The following EPC2 variants were observed in gnomAD, a reference collection of about 807,000 sequenced individuals.
The protein encoded by EPC2 is enhancer of polycomb 2, also known as enhancer of polycomb homolog 2.
EPC2 carries 14 observed loss-of-function variants against 92.1 expected under a neutral mutation model. That is an observed-to-expected ratio of 0.15 (90% CI 0.10 to 0.24). The LOEUF (loss-of-function observed/expected upper bound fraction) is 0.24, where lower values mean the gene tolerates loss of function less well. Ranked by LOEUF, EPC2 falls within the 10% of genes least tolerant of loss-of-function variation. The pLI is 1.00. For missense variants in EPC2, 755 were observed against 971.5 expected, an observed-to-expected ratio of 0.78 and a Z score of 2.96; for synonymous variants, 340 against 334.7, an observed-to-expected ratio of 1.02 and a Z score of -0.17.
At chr2:148,721,943 GT>G (rs1397217471) in intron 2 of EPC2, among the ~76,000 whole-genome samples, 6 of 45,722 alleles carry the variant, frequency 1.3e-4, no homozygotes, top group Admixed American at 1.1e-3. Flanking sequence ...TTATTCATCT[GT>G]TTTTGCATGT....
chr2:148,659,353 T>C (rs765130132), intron 1 of EPC2, among the ~76,000 whole-genome samples: 2 of 152,122 alleles, frequency 1.3e-5, no homozygotes, highest in Non-Finnish European at 2.9e-5. Flanking sequence ...CACATTTTAG[T>C]TGATAATGCA....
chr2:148,767,226 T>G (rs1241381065), intron 7 of EPC2, among the ~76,000 whole-genome samples: 1 of 151,148 alleles, frequency 6.6e-6, no homozygotes, highest in East Asian at 1.9e-4. Context: ...TGAATGATAC[T>G]GTAGGGTGCT....
chr2:148,754,160 A>T, intron 4 of EPC2, 27 bp downstream of exon 4: 4 of 1,529,690 alleles, frequency 2.6e-6, no homozygotes, highest in South Asian at 1.2e-5. Flanking sequence ...GTTTCATTGA[A>T]GGTAGCTTAA....
intron 1 of EPC2, among the ~76,000 whole-genome samples, chr2:148,663,342 C>T (rs1680986063): frequency 1.3e-5 from 2 of 150,772 alleles, no homozygotes; most frequent in African/African-American, 4.9e-5. Flanking sequence ...CCTCAGCCTC[C>T]CGAGTAGCTG....
intron 2 of EPC2, among the ~76,000 whole-genome samples, chr2:148,701,229 G>T (rs1028923764): frequency 6.6e-6 from 1 of 152,042 alleles, no homozygotes; most frequent in Admixed American, 6.6e-5. Context: ...GTTTCATTTC[G>T]TCCTAATCTG....
chr2:148,657,401 A>G (rs548856634), intron 1 of EPC2, among the ~76,000 whole-genome samples: 34 of 152,198 alleles, frequency 2.2e-4, no homozygotes, highest in African/African-American at 7.7e-4. Context: ...AAAATTTCCA[A>G]AGATATAGGT....
intron 5 of EPC2, 137 bp downstream of exon 5, chr2:148,762,067 A>G (rs983039153): frequency 1.7e-5 from 13 of 744,382 alleles, no homozygotes; most frequent in East Asian, 3.6e-5. Context: ...TATATTTTTT[A>G]AAGATTTGTG....
intron 1 of EPC2, 185 bp downstream of exon 1, chr2:148,645,355 G>T (rs1683773718): frequency 3.5e-6 from 2 of 563,644 alleles, no homozygotes; most frequent in East Asian, 6.5e-5. Context: ...GCCCGCGGCC[G>T]CCATGTTGTT....
In EPC2 at chr2:148,739,821, TTTC is replaced by T. The variant is rs1242493156; in HGVS notation, c.314-3789_314-3787del. On this transcript the variant is annotated intron_variant, in intron 2 of 13. Transcript: ENST00000258484. ...TTTTTCTTTTCTTTCTTCCTTTTCT[TTTC>T]TTCTTCTTCTTTTTTTTTTTTTTTT... 3.7e-3 allele frequency among the ~76,000 whole-genome samples: 461 copies of T among 123,066 alleles called. 18 individuals carry two copies. Among genetic ancestry groups the T allele is most frequent in the East Asian group, 9.4e-3 (34 of 3,612 alleles). The allele number at this position is 123,066 out of a possible 152,430, so 80.7% of individuals were successfully genotyped here. A position where few individuals can be genotyped will look rare whatever the true frequency, so the allele number is the denominator to read the frequency against.
At chr2:148,754,861 C>T (rs1201153974) in intron 4 of EPC2, among the ~76,000 whole-genome samples, 1 of 152,164 alleles carries the variant, frequency 6.6e-6, no homozygotes, top group Admixed American at 6.5e-5. Flanking sequence ...TAGAGGAAAG[C>T]ACTGTTCTGG....
At chr2:148,655,311 G>A (rs534780364) in intron 1 of EPC2, among the ~76,000 whole-genome samples, 1 of 152,052 alleles carries the variant, frequency 6.6e-6, no homozygotes, top group African/African-American at 2.4e-5. Flanking sequence ...CCTTTTTTTG[G>A]TGACATGGAC....
At chr2:148,775,754 G>A (rs368929475) in intron 10 of EPC2, among the ~76,000 whole-genome samples, 3 of 85,988 alleles carry the variant, frequency 3.5e-5, no homozygotes, top group Admixed American at 1.3e-4. Flanking sequence ...AATATTTAAA[G>A]AAATATTACC....
chr2:148,703,601 T>C (rs1207976319), intron 2 of EPC2, among the ~76,000 whole-genome samples: 1 of 152,150 alleles, frequency 6.6e-6, no homozygotes, highest in Non-Finnish European at 1.5e-5. Context: ...TGATCATGGT[T>C]CACTGCAGCT....
chr2:148,651,877 TA>T (rs1680694434), intron 1 of EPC2, among the ~76,000 whole-genome samples: 1 of 152,090 alleles, frequency 6.6e-6, no homozygotes, highest in Non-Finnish European at 1.5e-5. Context: ...CTTTAGAAAT[TA>T]AGTAACTCGC....
At chr2:148,710,346 A>G (rs935727575) in intron 2 of EPC2, among the ~76,000 whole-genome samples, 2 of 152,224 alleles carry the variant, frequency 1.3e-5, no homozygotes, top group Non-Finnish European at 2.9e-5. Flanking sequence ...AAGTCAGGAA[A>G]CAACAGGTGC....
At chr2:148,671,466 T>C (rs533853436) in intron 1 of EPC2, among the ~76,000 whole-genome samples, 7 of 152,084 alleles carry the variant, frequency 4.6e-5, no homozygotes, top group African/African-American at 1.4e-4. Context: ...ATATAAAAAT[T>C]AGTCAGGCAT....
intron 1 of EPC2, among the ~76,000 whole-genome samples, chr2:148,645,809 G>A (rs1683786743): frequency 1.3e-5 from 2 of 152,284 alleles, no homozygotes; most frequent in East Asian, 3.9e-4. Context: ...CGGGCGCGGG[G>A]CGGACGGGCT....
At chr2:148,691,447 C>T in intron 2 of EPC2, 1 of 1,425,888 alleles carries the variant, frequency 7.0e-7, no homozygotes, top group South Asian at 1.2e-5. Flanking sequence ...TTAAAGAGTT[C>T]CCTGTGTGAT....
chr2:148,743,572 A>G (rs371058204), intron 2 of EPC2, 50 bp from the exon 3 acceptor site: 7 of 1,413,804 alleles, frequency 5.0e-6, no homozygotes, highest in East Asian at 5.0e-5. Flanking sequence ...TGAACAATGT[A>G]TAATTTCATA....
Sources: gnomAD v4.1 joint callset for allele counts (sites outside exome capture counted in the v4.1 genomes callset) on GRCh38, gnomAD v4.1.1 for gene constraint, MANE v1.5 for transcripts, NCBI Gene and HGNC (gene_info 2026-07-23, HGNC 2026-07-21) for gene names.